The following PCNX1 variants were observed in gnomAD, a reference collection of about 807,000 sequenced individuals.
PCNX1 encodes pecanex-like protein 1.
A neutral mutation model predicts 242.2 loss-of-function variants in PCNX1; 78 were observed. The observed-to-expected ratio is 0.32, with a 90% CI of 0.27 to 0.39. The LOEUF (loss-of-function observed/expected upper bound fraction) is 0.39, where lower values mean the gene tolerates loss of function less well. Ranked by LOEUF, PCNX1 falls within the 10% of genes least tolerant of loss-of-function variation. The pLI is 1.00. For missense variants in PCNX1, 2,581 were observed against 2,856.5 expected (o/e 0.90, Z 2.20); for synonymous variants, 1,024 against 1,032.9 (o/e 0.99, Z 0.17).
chr14:71,078,990 G>T (rs2061784419), intron 28 of PCNX1, among the ~76,000 whole-genome samples: 1 of 152,034 alleles, frequency 6.6e-6, no homozygotes, highest in Admixed American at 6.6e-5. Flanking sequence ...CCTAAGCTAT[G>T]CCTCCCATAG....
chr14:70,931,180 A>C (rs1273350748), intron 1 of PCNX1, among the ~76,000 whole-genome samples: 1 of 152,220 alleles, frequency 6.6e-6, no homozygotes, highest in Non-Finnish European at 1.5e-5. Flanking sequence ...TGCAGGAATT[A>C]ACTTGCCCAT....
At chr14:71,036,579 G>A (rs2060540331) in intron 19 of PCNX1, among the ~76,000 whole-genome samples, 1 of 152,052 alleles carries the variant, frequency 6.6e-6, no homozygotes, top group African/African-American at 2.4e-5. Flanking sequence ...AGAGCAATAG[G>A]CTCTACCACA....
rs1007216256 is a variant in PCNX1 at position 70,907,490 on chromosome 14, C to A, written c.-361C>A. 1 of 152,148 alleles carries A rather than the reference C, an allele frequency of 6.6e-6. No individual in the cohort carries two copies. The highest frequency in any genetic ancestry group is 1.5e-5 in the Non-Finnish European group (1 of 68,016). 9.4% of individuals were successfully genotyped at this position (152,148 alleles called of 1,614,324 possible). On this transcript the variant is annotated 5_prime_UTR_variant, in exon 1 of 36. Transcript: ENST00000304743. ...CTCTGCCTGGCCCAGGGCTGGCGGC[C>A]GGCGGGGGTCGCGGCGGCGGCAGTG...
intron 28 of PCNX1, among the ~76,000 whole-genome samples, chr14:71,080,983 C>A (rs1014597804): frequency 3.9e-5 from 6 of 152,228 alleles, no homozygotes; most frequent in South Asian, 2.1e-4. Flanking sequence ...TTTGCTCATT[C>A]AGTATGATAT....
intron 16 of PCNX1, among the ~76,000 whole-genome samples, chr14:71,030,270 A>AT (rs1385560733): frequency 4.0e-5 from 6 of 151,774 alleles, no homozygotes; most frequent in Non-Finnish European, 8.8e-5. Context: ...TGCTTCTTAC[A>AT]TTTTCTGACA....
intron 6 of PCNX1, among the ~76,000 whole-genome samples, chr14:70,984,887 A>G (rs2140206735): frequency 6.6e-6 from 1 of 152,334 alleles, no homozygotes; most frequent in East Asian, 1.9e-4. Context: ...ATAGTCTATA[A>G]TTGTAATACT....
At chr14:70,976,663 G>A (rs2058700220) in intron 5 of PCNX1, among the ~76,000 whole-genome samples, 1 of 152,112 alleles carries the variant, frequency 6.6e-6, no homozygotes, top group Non-Finnish European at 1.5e-5. Flanking sequence ...GTGAGCCACT[G>A]CGCCCGGCCC....
Position 71,112,352 on chromosome 14 carries a change from A to T in PCNX1, c.*2417A>T, listed in dbSNP as rs1185423952. On this transcript the variant is annotated 3_prime_UTR_variant, in exon 36 of 36. Coordinates refer to ENST00000304743, the MANE Select transcript of PCNX1 (RefSeq NM_014982.3). ...TGATTTTGGGTAGCAATTGACATAT[A>T]TTTTTCTCAAAACAAGTTGAATTTT... 1 of 152,074 alleles carries T rather than the reference A, an allele frequency of 6.6e-6. No homozygotes were observed. Among genetic ancestry groups the T allele is most frequent in the Non-Finnish European group, 1.5e-5 (1 of 67,940 alleles). The allele number at this position is 152,074 out of a possible 1,614,324, so 9.4% of individuals were successfully genotyped here.
chr14:70,942,349 A>G (rs1427943362), intron 1 of PCNX1, among the ~76,000 whole-genome samples: 1 of 152,216 alleles, frequency 6.6e-6, no homozygotes, highest in African/African-American at 2.4e-5. Flanking sequence ...ATCAAATTGC[A>G]CTTGTAAATT....
In PCNX1 at chr14:71,019,114, C is replaced by T. The variant is rs1181946159; in HGVS notation, c.3102C>T (p.Val1034=). The change falls in exon 12 of 36, where the codon GTC becomes GTT. Residue 1034 remains valine (V), a synonymous_variant. Coordinates refer to ENST00000304743, the MANE Select transcript of PCNX1 (RefSeq NM_014982.3). ...LIQGFFRDIW[V]FQFCLVIASC... ...AAGGATTCTTCAGAGATATCTGGGT[C>T]TTCCAGTTCTGCCTCGTCATAGCCA... The T allele has an allele frequency of 6.2e-7, 1 of 1,612,936 alleles. No homozygotes were observed.
intron 30 of PCNX1, among the ~76,000 whole-genome samples, chr14:71,089,774 C>T (rs531478968): frequency 6.6e-6 from 1 of 152,280 alleles, no homozygotes; most frequent in East Asian, 1.9e-4. Context: ...CACAACCACA[C>T]CATATGAGCT....
At chr14:71,098,551 T>TGAGA (rs1480000997) in intron 30 of PCNX1, among the ~76,000 whole-genome samples, 450 of 129,044 alleles carry the variant, frequency 3.5e-3, no homozygotes, top group Non-Finnish European at 3.7e-3. Context: ...TGTGTGTGTG[T>TGAGA]GTGAGAGAGA....
intron 4 of PCNX1, among the ~76,000 whole-genome samples, 158 bp from the exon 5 acceptor site, chr14:70,968,863 A>G (rs1309051407): frequency 6.6e-6 from 1 of 152,234 alleles, no homozygotes; most frequent in African/African-American, 2.4e-5. Flanking sequence ...ACTTCCTGCT[A>G]GTTCAGTGCA....
chr14:70,919,590 G>T (rs1453098455), intron 1 of PCNX1, among the ~76,000 whole-genome samples: 1 of 150,812 alleles, frequency 6.6e-6, no homozygotes, highest in African/African-American at 2.4e-5. Flanking sequence ...CTATAGAGTT[G>T]ATTGCTGTTG....
At position 71,027,518 on chromosome 14, in the gene PCNX1, G is replaced by T. The variant is rs549883100; in HGVS notation, c.3466+636G>T. Among the ~76,000 whole-genome samples the T allele has an allele frequency of 1.3e-3, 193 of 151,872 alleles. 1 individual carries two copies. The highest frequency in any genetic ancestry group is 3.4e-3 in the Middle Eastern group (1 of 294). Reference sequence around the variant, plus strand: ...CATGGTTAAAATATACCATTATTTAGTTTAACCATTTAAAATTTTACTGAA... The same window carrying T: ...CATGGTTAAAATATACCATTATTTATTTTAACCATTTAAAATTTTACTGAA... On this transcript the variant is annotated intron_variant, in intron 15 of 35. Coordinates refer to ENST00000304743, the MANE Select transcript of PCNX1 (RefSeq NM_014982.3).
chr14:71,081,742 G>C (rs2061859425), intron 28 of PCNX1, among the ~76,000 whole-genome samples: 2 of 152,170 alleles, frequency 1.3e-5, no homozygotes, highest in South Asian at 4.1e-4. Flanking sequence ...GTGTCTATTT[G>C]ATTCTTCTCT....
intron 26 of PCNX1, among the ~76,000 whole-genome samples, chr14:71,062,803 G>A (rs1201169716): frequency 6.6e-6 from 1 of 152,100 alleles, no homozygotes; most frequent in African/African-American, 2.4e-5. Flanking sequence ...GCAACTTCCA[G>A]TCCTGCAAAC....
intron 26 of PCNX1, among the ~76,000 whole-genome samples, chr14:71,072,702 C>G (rs2061614923): frequency 6.6e-6 from 1 of 152,098 alleles, no homozygotes; most frequent in Non-Finnish European, 1.5e-5. Flanking sequence ...ATAGTCTTTA[C>G]ATAATATAAG....
chr14:70,999,077 C>T (rs1369989549), intron 8 of PCNX1, among the ~76,000 whole-genome samples: 1 of 152,158 alleles, frequency 6.6e-6, no homozygotes, highest in Non-Finnish European at 1.5e-5. Flanking sequence ...CAAGCTGTGA[C>T]TTAGTAATGC....
Sources: gnomAD v4.1 joint callset for allele counts (sites outside exome capture counted in the v4.1 genomes callset) on GRCh38, gnomAD v4.1.1 for gene constraint, MANE v1.5 for transcripts, NCBI Gene and HGNC (gene_info 2026-07-23, HGNC 2026-07-21) for gene names.